The following MAF variants were observed in gnomAD, a reference collection of about 807,000 sequenced individuals.
MAF encodes the protein transcription factor Maf.
A neutral mutation model predicts 22.0 loss-of-function variants in MAF; 10 were observed. The observed-to-expected ratio is 0.45, with a 90% CI of 0.28 to 0.77. MAF has a LOEUF of 0.77. Ranked by LOEUF, MAF falls within the 30% of genes least tolerant of loss-of-function variation. The pLI is 0.12. For missense variants in MAF, 544 were observed against 548.4 expected (o/e 0.99, Z 0.08); for synonymous variants, 337 against 255.8 (o/e 1.32, Z -3.03).
the MAF span, among the ~76,000 whole-genome samples, chr16:79,400,717 G>A: frequency 2.6e-5 from 4 of 152,244 alleles, no homozygotes; most frequent in Non-Finnish European, 4.4e-5. Flanking sequence ...CCTGCAAGGC[G>A]ATTTGATAGA....
chr16:79,466,886 C>G, the MAF span, among the ~76,000 whole-genome samples: 1 of 152,188 alleles, frequency 6.6e-6, no homozygotes, highest in Non-Finnish European at 1.5e-5. Context: ...GGACACGGAT[C>G]TGTGGCTTTT....
chr16:79,340,206 A>G, the MAF span, among the ~76,000 whole-genome samples: 2 of 151,922 alleles, frequency 1.3e-5, no homozygotes, highest in African/African-American at 4.8e-5. Context: ...CTTTGGTCCA[A>G]AAAGAGTGTT....
chr16:79,444,776 C>A, the MAF span, among the ~76,000 whole-genome samples: 2 of 152,174 alleles, frequency 1.3e-5, no homozygotes, highest in African/African-American at 4.8e-5. Flanking sequence ...TATTGCCCGG[C>A]CCACGTAATC....
chr16:79,557,167 G>GA, the MAF span, among the ~76,000 whole-genome samples: 3 of 99,008 alleles, frequency 3.0e-5, no homozygotes, highest in Admixed American at 2.3e-4. Flanking sequence ...AGCAAGTGTA[G>GA]TTTTTTTTAT....
chr16:79,560,212 C>G, the MAF span, among the ~76,000 whole-genome samples: 5 of 152,066 alleles, frequency 3.3e-5, no homozygotes, highest in Non-Finnish European at 5.9e-5. Flanking sequence ...AGGTGCACCA[C>G]TGTACCTGGC....
At chr16:79,251,659 G>C in the MAF span, among the ~76,000 whole-genome samples, 1 of 152,234 alleles carries the variant, frequency 6.6e-6, no homozygotes, top group South Asian at 2.1e-4. Flanking sequence ...GATGGGAAAA[G>C]AAATCAAACC....
the MAF span, among the ~76,000 whole-genome samples, chr16:79,381,141 AATG>A: frequency 8.7e-4 from 132 of 152,364 alleles, no homozygotes; most frequent in South Asian, 2.3e-3. Flanking sequence ...GCTAGAGATC[AATG>A]ATAAGTAGAA....
the MAF span, among the ~76,000 whole-genome samples, chr16:79,563,834 C>G: frequency 6.6e-6 from 1 of 152,018 alleles, no homozygotes; most frequent in South Asian, 2.1e-4. Context: ...ACTCACCTAG[C>G]AATTCTGGTT....
At chr16:79,509,231 A>G in the MAF span, among the ~76,000 whole-genome samples, 1 of 152,198 alleles carries the variant, frequency 6.6e-6, no homozygotes, top group Admixed American at 6.5e-5. Flanking sequence ...CAGAATAAAA[A>G]TAGGACTTCT....
At chr16:79,426,066 C>T in the MAF span, among the ~76,000 whole-genome samples, 3 of 152,034 alleles carry the variant, frequency 2.0e-5, no homozygotes, top group South Asian at 4.1e-4. Context: ...ATTAGCTGGG[C>T]ATGGTGGCAC....
chr16:79,396,052 C>G, the MAF span, among the ~76,000 whole-genome samples: 1 of 152,152 alleles, frequency 6.6e-6, no homozygotes, highest in African/African-American at 2.4e-5. Context: ...GGTCATTTTC[C>G]TACTTAGGTA....
At chr16:79,480,687 T>A in the MAF span, among the ~76,000 whole-genome samples, 3 of 152,174 alleles carry the variant, frequency 2.0e-5, no homozygotes, top group Non-Finnish European at 4.4e-5. Context: ...AGAGCTGGCA[T>A]TGGACAGGGA....
At chr16:79,421,759 T>A in the MAF span, among the ~76,000 whole-genome samples, 69 of 151,870 alleles carry the variant, frequency 4.5e-4, no homozygotes, top group South Asian at 2.1e-3. Context: ...TCTCAGCCTC[T>A]TGAGTAGTGA....
the MAF span, among the ~76,000 whole-genome samples, chr16:79,210,676 G>C: frequency 6.6e-6 from 1 of 152,066 alleles, no homozygotes; most frequent in African/African-American, 2.4e-5. Context: ...GAGACGTGCC[G>C]ACCATGTCTC....
At chr16:79,591,573 CT>C (rs1261247326), downstream of MAF, among the ~76,000 whole-genome samples, 1 of 152,180 alleles carries the variant, frequency 6.6e-6, no homozygotes, top group Non-Finnish European at 1.5e-5. Flanking sequence ...GTGTAAGGAA[CT>C]GTGCATTCCA....
At chr16:79,430,492 T>C in the MAF span, among the ~76,000 whole-genome samples, 1 of 152,246 alleles carries the variant, frequency 6.6e-6, no homozygotes, top group Non-Finnish European at 1.5e-5. Context: ...TCAGCTCCAG[T>C]GCCTCCTCAT....
the MAF span, among the ~76,000 whole-genome samples, chr16:79,533,498 T>C: frequency 6.6e-6 from 1 of 152,214 alleles, no homozygotes; most frequent in Non-Finnish European, 1.5e-5. Flanking sequence ...CTCTGAATTT[T>C]ACTTTCGTCC....
the MAF span, among the ~76,000 whole-genome samples, chr16:79,285,086 T>C: frequency 0.66 from 100,678 of 152,038 alleles, 35,110 homozygotes; most frequent in Non-Finnish European, 0.77. Flanking sequence ...AAACCTTCCA[T>C]ACCTATTTCA....
chr16:79,275,955 C>G, the MAF span, among the ~76,000 whole-genome samples: 4 of 152,108 alleles, frequency 2.6e-5, no homozygotes, highest in Admixed American at 2.6e-4. Context: ...TCCTGGCTAA[C>G]ACGGTGAAAT....
Sources: allele counts gnomAD v4.1 joint callset (sites outside exome capture counted in the v4.1 genomes callset), GRCh38; gene constraint gnomAD v4.1.1; transcripts MANE v1.5; gene names NCBI Gene and HGNC (gene_info 2026-07-23, HGNC 2026-07-21).